The following RAB27A variants were observed in gnomAD, a reference collection of about 807,000 sequenced individuals.
The protein encoded by RAB27A is ras-related protein Rab-27A.
A neutral mutation model predicts 20.8 loss-of-function variants in RAB27A; 17 were observed. That is an observed-to-expected ratio of 0.82 (90% CI 0.56 to 1.23). The LOEUF (loss-of-function observed/expected upper bound fraction) is 1.23. Ranked by LOEUF, RAB27A falls within the 50% of genes most tolerant of loss-of-function variation. RAB27A has a pLI of 0.00. For missense variants in RAB27A, 277 were observed against 266.7 expected, an observed-to-expected ratio of 1.04 and a Z score of -0.27; for synonymous variants, 85 against 92.8, an observed-to-expected ratio of 0.92 and a Z score of 0.48.
chr15:55,262,267 C>A, intron 2 of RAB27A, among the ~76,000 whole-genome samples: 1 of 152,148 alleles, frequency 6.6e-6, no homozygotes, highest in East Asian at 1.9e-4. Flanking sequence ...GTCGGCCAGG[C>A]GCGGTGGCTC....
intron 2 of RAB27A, among the ~76,000 whole-genome samples, chr15:55,246,847 C>T (rs1384569148): frequency 6.6e-6 from 1 of 151,924 alleles, no homozygotes; most frequent in African/African-American, 2.4e-5. Flanking sequence ...GCAAAATCTA[C>T]AAAGTATGCT....
At chr15:55,228,252 A>G (rs1346012223) in intron 5 of RAB27A, among the ~76,000 whole-genome samples, 3 of 152,202 alleles carry the variant, frequency 2.0e-5, no homozygotes, top group Non-Finnish European at 2.9e-5. Flanking sequence ...AAGAATTGAT[A>G]GCATACAATA....
intron 6 of RAB27A, among the ~76,000 whole-genome samples, chr15:55,220,002 C>T (rs909662761): frequency 3.9e-5 from 6 of 152,020 alleles, no homozygotes; most frequent in Non-Finnish European, 8.8e-5. Context: ...GACTCTTAGG[C>T]CACTACAAAT....
intron 2 of RAB27A, among the ~76,000 whole-genome samples, chr15:55,255,123 A>G (rs192761643): frequency 6.6e-6 from 1 of 152,188 alleles, no homozygotes. Flanking sequence ...TGCACATAGT[A>G]TAAGAAAGGG....
intron 2 of RAB27A, among the ~76,000 whole-genome samples, chr15:55,244,110 G>A (rs945951837): frequency 6.6e-6 from 1 of 152,100 alleles, no homozygotes; most frequent in African/African-American, 2.4e-5. Flanking sequence ...AGACCAGCCT[G>A]GCTGATATGG....
At chr15:55,269,124 T>C (rs1465215313) in intron 2 of RAB27A, among the ~76,000 whole-genome samples, 1 of 152,182 alleles carries the variant, frequency 6.6e-6, no homozygotes, top group Non-Finnish European at 1.5e-5. Flanking sequence ...ACTTTCAGGC[T>C]CCAGAACTGT....
At chr15:55,264,845 T>C (rs1000024271) in intron 2 of RAB27A, among the ~76,000 whole-genome samples, 10 of 152,186 alleles carry the variant, frequency 6.6e-5, no homozygotes, top group South Asian at 2.1e-4. Context: ...CAAACAAGAA[T>C]TGTGGATGTG....
intron 2 of RAB27A, among the ~76,000 whole-genome samples, chr15:55,260,943 GTGTCAATAGAGGTTCATCA>G (rs1897247716): frequency 6.6e-6 from 1 of 151,786 alleles, no homozygotes. Context: ...GGATGATAAT[GTGTCAATAGAGGTTCATCA>G]TGTGTAACAA....
chr15:55,242,199 G>A (rs763525620), intron 2 of RAB27A, among the ~76,000 whole-genome samples: 4 of 152,140 alleles, frequency 2.6e-5, no homozygotes, highest in Admixed American at 6.6e-5. Flanking sequence ...AAAGAAAGGG[G>A]AGGAATAATA....
chr15:55,294,063 T>C (rs1237881770), upstream of RAB27A, among the ~76,000 whole-genome samples: 3 of 152,112 alleles, frequency 2.0e-5, no homozygotes, highest in Admixed American at 1.3e-4. Flanking sequence ...CATATGAAAT[T>C]GCAAAGGACC....
intron 4 of RAB27A, among the ~76,000 whole-genome samples, chr15:55,229,001 T>C (rs563177097): frequency 3.4e-4 from 51 of 152,200 alleles, no homozygotes; most frequent in Non-Finnish European, 4.6e-4. Context: ...CCAAAAGCAA[T>C]ATAGTGTATG....
At chr15:55,295,060 A>C (rs748396738) in intron 2 of RAB27A, among the ~76,000 whole-genome samples, 2 of 152,368 alleles carry the variant, frequency 1.3e-5, no homozygotes, top group South Asian at 2.1e-4. Context: ...TCCAAAAAAG[A>C]CATAAAAATG....
At chr15:55,212,926 AG>A (rs1393115969) in intron 6 of RAB27A, among the ~76,000 whole-genome samples, 1 of 152,252 alleles carries the variant, frequency 6.6e-6, no homozygotes, top group Non-Finnish European at 1.5e-5. Context: ...AAAACTGTAT[AG>A]CTGTTTTTCA....
At chr15:55,255,958 C>T (rs1217122480) in intron 2 of RAB27A, among the ~76,000 whole-genome samples, 3 of 152,212 alleles carry the variant, frequency 2.0e-5, no homozygotes, top group African/African-American at 7.2e-5. Flanking sequence ...GTGAGCCAGA[C>T]AGCTTCCCCA....
chr15:55,205,763 G>T (rs1037287159), intron 6 of RAB27A, 58 bp from the exon 7 acceptor site: 2 of 1,418,142 alleles, frequency 1.4e-6, no homozygotes, highest in African/African-American at 1.4e-5. Context: ...AGTGACCTTT[G>T]CTCTTGATAA....
At chr15:55,275,584 C>A (rs1369930697) in intron 1 of RAB27A, among the ~76,000 whole-genome samples, 3 of 151,676 alleles carry the variant, frequency 2.0e-5, no homozygotes, top group Non-Finnish European at 4.4e-5. Context: ...AGAGGTTGTG[C>A]CATTGAACTC....
chr15:55,302,345 G>A (rs2054975897), intron 2 of RAB27A, among the ~76,000 whole-genome samples: 1 of 152,048 alleles, frequency 6.6e-6, no homozygotes, highest in African/African-American at 2.4e-5. Context: ...CGAGGTGCCG[G>A]GATTGCAGAC....
At chr15:55,317,807 C>A (rs2055063147) in intron 1 of RAB27A, 1 of 397,724 alleles carries the variant, frequency 2.5e-6, no homozygotes, top group Non-Finnish European at 4.4e-6. Flanking sequence ...GCAACAAATA[C>A]AGCTCAAGGA....
chr15:55,291,586 G>A (rs1898312714), upstream of RAB27A, among the ~76,000 whole-genome samples: 1 of 148,248 alleles, frequency 6.7e-6, no homozygotes, highest in African/African-American at 2.5e-5. Context: ...GAATAGTCCT[G>A]GGAATCACTG....
Sources: allele counts gnomAD v4.1 joint callset (sites outside exome capture counted in the v4.1 genomes callset), GRCh38; gene constraint gnomAD v4.1.1; transcripts MANE v1.5; gene names NCBI Gene and HGNC (gene_info 2026-07-23, HGNC 2026-07-21).